Variants in PRKAB1 observed in about 807,000 individuals in gnomAD.
PRKAB1 encodes the protein 5'-AMP-activated protein kinase subunit beta-1.
In PRKAB1, 18 loss-of-function variants were observed where a neutral mutation model predicts 32.0. The observed-to-expected ratio is 0.56, with a 90% CI of 0.39 to 0.83. The LOEUF is 0.83. Ranked by LOEUF, PRKAB1 falls within the 40% of genes least tolerant of loss-of-function variation. The pLI is 0.00. For missense variants in PRKAB1, 263 were observed against 352.6 expected (o/e 0.75, Z 2.03); for synonymous variants, 141 against 141.4 (o/e 1.00, Z 0.02).
chr12:119,679,989 GCTGT>G lies in PRKAB1; in HGVS notation c.726_729del (p.Ile244ArgfsTer4), dbSNP rs777552973. On this transcript the variant is annotated frameshift_variant, in exon 6 of 7. Transcript: ENST00000229328. LOFTEE classifies it high-confidence loss of function. The surrounding 1 kb of genome is among the most constrained non-coding windows in gnomAD (Gnocchi z 4.1). ...ACGTCATGCTGAACCACCTATACGC[GCTGT>G]CTATCAAGGTAATGACATGTCTGTC... The G allele has an allele frequency of 2.2e-5, 35 of 1,613,280 alleles. No homozygotes were observed. Among genetic ancestry groups the G allele is most frequent in the African/African-American group, 2.7e-5 (2 of 74,888 alleles).
At chr12:119,670,604 C>A (rs375741595) in intron 1 of PRKAB1, among the ~76,000 whole-genome samples, 2 of 152,354 alleles carry the variant, frequency 1.3e-5, no homozygotes, top group African/African-American at 4.8e-5. Flanking sequence ...GGAATCAAAA[C>A]TACTTTCTTC....
rs577411010 is a variant in PRKAB1, at chr12:119,675,584, C to T, written c.533-953C>T. On this transcript the variant is annotated intron_variant, in intron 4 of 6. Transcript: ENST00000229328. Reference sequence around the variant, plus strand: ...CAAATTTCCACCTAGGGAAAGGAAACGGACCCCTCACTGATACGAAGCTAA... The same window carrying T: ...CAAATTTCCACCTAGGGAAAGGAAATGGACCCCTCACTGATACGAAGCTAA... Among the ~76,000 whole-genome samples the T allele has an allele frequency of 2.6e-5, 4 of 152,262 alleles. No homozygotes were observed. In the South Asian group the frequency reaches 8.3e-4, roughly 32 times the overall value.
At chr12:119,678,438 A>G (rs891036235) in intron 5 of PRKAB1, 2 of 152,246 alleles carry the variant, frequency 1.3e-5, no homozygotes, top group Non-Finnish European at 2.9e-5. Flanking sequence ...CATTGTTACT[A>G]ATAGTCACCG....
intron 2 of PRKAB1, among the ~76,000 whole-genome samples, chr12:119,672,678 C>A (rs1434820884): frequency 2.0e-5 from 3 of 152,206 alleles, no homozygotes; most frequent in Non-Finnish European, 4.4e-5. Flanking sequence ...GTGTCACAGA[C>A]ATCTTTCACT....
At chr12:119,672,610 C>T in intron 2 of PRKAB1, 146 bp downstream of exon 2, 1 of 854,912 alleles carries the variant, frequency 1.2e-6, no homozygotes. Flanking sequence ...TCTTAAGGTT[C>T]AAATGTTAAA....
chr12:119,668,519 C>A, intron 1 of PRKAB1, 116 bp downstream of exon 1: 1 of 1,378,498 alleles, frequency 7.3e-7, no homozygotes, highest in African/African-American at 1.5e-5. Flanking sequence ...GGAGGTGGTA[C>A]ATTACCCGGT....
Position 119,679,989 on chromosome 12 carries a change from G to T in PRKAB1, c.723G>T (p.Ala241=), listed in dbSNP as rs769597227. ...ACGTCATGCTGAACCACCTATACGCGCTGTCTATCAAGGTAATGACATGTC... is the reference window on the plus strand; with the variant it reads ...ACGTCATGCTGAACCACCTATACGCTCTGTCTATCAAGGTAATGACATGTC... ...PNHVMLNHLY[A]LSIKDGVMVL... Residue 241 remains alanine (A), a synonymous_variant, in exon 6 of 7, where the codon GCG becomes GCT. Coordinates refer to ENST00000229328, the MANE Select transcript of PRKAB1 (RefSeq NM_006253.5). This position sits in a 1 kb window ranked among gnomAD's most constrained non-coding sequence, Gnocchi z 4.1. 10 of 1,613,398 alleles carry T rather than the reference G, an allele frequency of 6.2e-6. No individual in the cohort carries two copies. Among genetic ancestry groups the T allele is most frequent in the Non-Finnish European group, 8.5e-6 (10 of 1,179,372 alleles).
chr12:119,676,392 C>G lies in PRKAB1; in HGVS notation c.533-145C>G, dbSNP rs561776808. The stretch of plus-strand genomic sequence containing the variant: ...TTTCTCCTCTCCTCTATTCTGCACT[C>G]TTGGAACCAGTGCATCCTTCAAGAG... On this transcript the variant is annotated intron_variant, in intron 4 of 6. Transcript: ENST00000229328. 2.6e-5 allele frequency: 28 copies of G among 1,084,386 alleles called. No individual in the cohort carries two copies. The Admixed American group carries it at 5.2e-4, about 20-fold the overall frequency. The allele number at this position is 1,084,386 out of a possible 1,614,324, so 67.2% of individuals were successfully genotyped here.
In PRKAB1 at chr12:119,668,367, C is replaced by T. The variant is rs780432355; in HGVS notation, c.123C>T (p.Pro41=). 4 of 1,613,462 alleles carry T rather than the reference C, an allele frequency of 2.5e-6. No individual in the cohort carries two copies. The South Asian group carries it at 4.4e-5, about 18-fold the overall frequency. ...GDRPKILMDS[P]EDADLFHSEE... is the part of the protein sequence containing the mutation. ...GGCCCAAGATCCTGATGGACAGCCC[C>T]GAAGACGCCGACCTCTTCCACTCCG... The change falls in exon 1 of 7, where the codon CCC becomes CCT. Residue 41 remains proline, a synonymous_variant. Coordinates refer to ENST00000229328, the MANE Select transcript of PRKAB1 (RefSeq NM_006253.5).
rs954080929 is a variant in PRKAB1 at position 119,681,261 on chromosome 12, C to A, written c.*936C>A. 1.3e-5 allele frequency: 2 copies of A among 152,220 alleles called. No individual in the cohort carries two copies. Among genetic ancestry groups the A allele is most frequent in the Non-Finnish European group, 2.9e-5 (2 of 68,040 alleles). The allele number at this position is 152,220 out of a possible 1,614,324, so 9.4% of individuals were successfully genotyped here. A position where few individuals can be genotyped will look rare whatever the true frequency, so the allele number is the denominator to read the frequency against. ...GTGGCACCTTGCTCAGGACCTCTGCCCCTAGTTAGCAAGACTGCAGCAGTT... is the reference window on the plus strand; with the variant it reads ...GTGGCACCTTGCTCAGGACCTCTGCACCTAGTTAGCAAGACTGCAGCAGTT... On this transcript the variant is annotated 3_prime_UTR_variant, in exon 7 of 7. Transcript: ENST00000229328.
chr12:119,677,635 AAG>A (rs1273667053), intron 5 of PRKAB1: 2 of 152,334 alleles, frequency 1.3e-5, no homozygotes. Flanking sequence ...GTCACAGGTG[AAG>A]AGTTTCAAGG....
Position 119,674,593 on chromosome 12 carries a change from G to A in PRKAB1, c.532+139G>A. On this transcript the variant is annotated intron_variant, in intron 4 of 6. Coordinates refer to ENST00000229328, the MANE Select transcript of PRKAB1 (RefSeq NM_006253.5). This position sits in a 1 kb window ranked among gnomAD's most constrained non-coding sequence, Gnocchi z 4.3. ...TTATAGCCCCCACTTAAAGGCCACA[G>A]AACTTAATTCCTGTCAGGTTGTTGA... 1.7e-6 allele frequency: 1 copy of A among 587,408 alleles called. No individual in the cohort carries two copies. The allele number at this position is 587,408 out of a possible 1,614,324, so 36.4% of individuals were successfully genotyped here. A position where few individuals can be genotyped will look rare whatever the true frequency, so the allele number is the denominator to read the frequency against.
chr12:119,669,489 C>A (rs1044981630), intron 1 of PRKAB1: 1 of 146,500 alleles, frequency 6.8e-6, no homozygotes, highest in East Asian at 2.1e-4. Flanking sequence ...GGATGGTCTC[C>A]ATCTCCTGAC....
chr12:119,668,054 C>T, upstream of PRKAB1: 3 of 649,292 alleles, frequency 4.6e-6, no homozygotes, highest in Non-Finnish European at 4.8e-6. Flanking sequence ...AGGTAAAGCG[C>T]GATTGCGAGA....
rs117905989 is a variant in PRKAB1, at chr12:119,673,526, G to C, written c.324-438G>C. ...GGCTCTTCCGGAGTTTGGTTTTTCA[G>C]TCATTAGGCAAGTTTCTTTAGAGAA... On this transcript the variant is annotated intron_variant, in intron 2 of 6. Coordinates refer to ENST00000229328, the MANE Select transcript of PRKAB1 (RefSeq NM_006253.5). Among the ~76,000 whole-genome samples the C allele has an allele frequency of 3.3e-5, 5 of 152,332 alleles. No homozygotes were observed. In the East Asian group the frequency reaches 9.7e-4, roughly 29 times the overall value.
intron 5 of PRKAB1, among the ~76,000 whole-genome samples, chr12:119,677,143 A>G (rs899785116): frequency 7.9e-5 from 12 of 152,206 alleles, no homozygotes; most frequent in African/African-American, 2.9e-4. Flanking sequence ...GATCTTGAAG[A>G]ACAGCCAGTT....
intron 2 of PRKAB1, among the ~76,000 whole-genome samples, chr12:119,672,882 A>T (rs1955397881): frequency 6.6e-6 from 1 of 152,336 alleles, no homozygotes; most frequent in East Asian, 1.9e-4. Flanking sequence ...ATATTGGACC[A>T]GATCATCTCT....
chr12:119,678,928 A>G (rs1418290874), intron 5 of PRKAB1: 5 of 152,216 alleles, frequency 3.3e-5, no homozygotes, highest in Admixed American at 2.6e-4. Context: ...AGGAACCTTC[A>G]TGCCATTTTC....
At position 119,674,166 on chromosome 12, in the gene PRKAB1, T is replaced by C. The variant is rs1955406928; in HGVS notation, c.417+109T>C. 1 of 1,138,048 alleles carries C rather than the reference T, an allele frequency of 8.8e-7. No homozygotes were observed. Among genetic ancestry groups the C allele is most frequent in the Non-Finnish European group, 1.3e-6 (1 of 776,882 alleles). The allele number at this position is 1,138,048 out of a possible 1,614,324, so 70.5% of individuals were successfully genotyped here. A position where few individuals can be genotyped will look rare whatever the true frequency, so the allele number is the denominator to read the frequency against. On this transcript the variant is annotated intron_variant, in intron 3 of 6. Transcript: ENST00000229328. This position sits in a 1 kb window ranked among gnomAD's most constrained non-coding sequence, Gnocchi z 4.3. ...TTTGCCCAGCTAGTAAAAGTCCCCG[T>C]GTGTGGCAGAGCTGAGTAGCAGCAC... is the stretch of plus-strand genomic sequence containing the variant.
Sources: gnomAD v4.1 joint callset for allele counts (sites outside exome capture counted in the v4.1 genomes callset) on GRCh38, gnomAD v4.1.1 for gene constraint, Gnocchi (gnomAD v3.1) non-coding constraint, MANE v1.5 for transcripts, NCBI Gene and HGNC (gene_info 2026-07-23, HGNC 2026-07-21) for gene names.